Variants in VEPH1 observed in about 807,000 individuals in gnomAD.
VEPH1 encodes the protein ventricular zone-expressed PH domain-containing protein homolog 1.
A neutral mutation model predicts 85.2 loss-of-function variants in VEPH1; 80 were observed. That is an observed-to-expected ratio of 0.94 (90% CI 0.78 to 1.13). The LOEUF (loss-of-function observed/expected upper bound fraction) is 1.13, where lower values mean the gene tolerates loss of function less well. Ranked by LOEUF, VEPH1 falls within the 50% of genes most tolerant of loss-of-function variation. The pLI is 0.00. For synonymous variants in VEPH1, 297 were observed against 348.0 expected (o/e 0.85, Z 1.63); for missense variants, 955 against 980.5 (o/e 0.97, Z 0.35).
At chr3:157,263,978 C>T (rs936941816) in intron 13 of VEPH1, among the ~76,000 whole-genome samples, 8 of 152,174 alleles carry the variant, frequency 5.3e-5, no homozygotes, top group Admixed American at 4.6e-4. Flanking sequence ...GGTACCCAGA[C>T]AGCTGGGAAA....
At chr3:157,501,186 G>A (rs1740067413) in intron 1 of VEPH1, among the ~76,000 whole-genome samples, 2 of 152,082 alleles carry the variant, frequency 1.3e-5, no homozygotes, top group Admixed American at 1.3e-4. Flanking sequence ...TATCTTTGTT[G>A]TCCTTTCTCT....
At chr3:157,339,564 G>A (rs1723303300) in intron 9 of VEPH1, among the ~76,000 whole-genome samples, 1 of 152,030 alleles carries the variant, frequency 6.6e-6, no homozygotes, top group Admixed American at 6.5e-5. Context: ...CATTCACTGG[G>A]GACACCTCAA....
chr3:157,445,756 T>C (rs886872739), intron 4 of VEPH1, among the ~76,000 whole-genome samples: 96 of 152,338 alleles, frequency 6.3e-4, no homozygotes, highest in African/African-American at 2.1e-3. Flanking sequence ...ACCACTGCAC[T>C]GCAGCCTGGC....
rs1310170122 is a variant in VEPH1, at chr3:157,364,475, G to A, written c.1165C>T (p.Leu389=). 6.2e-7 allele frequency: 1 copy of A among 1,613,848 alleles called. No individual in the cohort carries two copies. Among genetic ancestry groups the A allele is most frequent in the Admixed American group, 1.7e-5 (1 of 60,000 alleles). Residue 389 remains leucine (L), a synonymous_variant, in exon 8 of 14, where the codon CTG becomes TTG. Transcript: ENST00000362010. ...ISTEIEFPEK[L]EETKLIVTEN... Reference sequence around the variant, plus strand: ...GTTACTATGAGCTTGGTTTCTTCCAGTTTCTCAGGGAATTCAATTTCAGTG... The same window carrying A: ...GTTACTATGAGCTTGGTTTCTTCCAATTTCTCAGGGAATTCAATTTCAGTG...
chr3:157,399,009 T>C (rs1730628076), intron 6 of VEPH1, among the ~76,000 whole-genome samples: 1 of 152,042 alleles, frequency 6.6e-6, no homozygotes, highest in African/African-American at 2.4e-5. Flanking sequence ...GAGACTTCAG[T>C]GAGTTAAAAA....
intron 9 of VEPH1, among the ~76,000 whole-genome samples, chr3:157,318,686 A>G (rs1577329184): frequency 6.6e-6 from 1 of 151,968 alleles, no homozygotes; most frequent in Non-Finnish European, 1.5e-5. Flanking sequence ...AAGAAAGAAA[A>G]TTAATAGATT....
At chr3:157,406,817 G>T (rs150210053) in intron 6 of VEPH1, among the ~76,000 whole-genome samples, 68 of 152,216 alleles carry the variant, frequency 4.5e-4, no homozygotes, top group African/African-American at 1.5e-3. Flanking sequence ...CTGCCTTGTA[G>T]GTCTGGCACA....
rs1232421296 is a variant in VEPH1, at chr3:157,260,974, A to G, written c.*160T>C. 2.1e-6 allele frequency: 2 copies of G among 942,074 alleles called. No individual in the cohort carries two copies. The highest frequency in any genetic ancestry group is 3.2e-6 in the Non-Finnish European group (2 of 631,524). 58.4% of individuals were successfully genotyped at this position (942,074 alleles called of 1,614,324 possible). On this transcript the variant is annotated 3_prime_UTR_variant, in exon 14 of 14. Coordinates refer to ENST00000362010, the MANE Select transcript of VEPH1 (RefSeq NM_001167912.2). ...AGCTGTTAGAGTATGACATTTACTA[A>G]GAATCCTGCCATTTTAGGCCCTTCT... is the stretch of plus-strand genomic sequence containing the variant.
intron 6 of VEPH1, among the ~76,000 whole-genome samples, chr3:157,395,181 G>A (rs553698084): frequency 6.6e-6 from 1 of 152,316 alleles, no homozygotes; most frequent in South Asian, 2.1e-4. Context: ...AGGCAGTTCT[G>A]CAAGTCCATG....
chr3:157,381,575 C>T lies in VEPH1; in HGVS notation c.907-199G>A, dbSNP rs188430236. ...TCAACTTAAAAATACAAAAACTAGC[C>T]GGGCACAGTGGCACATGCCTGTAAT... is the stretch of plus-strand genomic sequence containing the variant. On this transcript the variant is annotated intron_variant, in intron 6 of 13. Transcript: ENST00000362010. 19 of 572,760 alleles carry T rather than the reference C, an allele frequency of 3.3e-5. No individual in the cohort carries two copies. The Admixed American group carries it at 3.3e-4, about 10-fold the overall frequency. 35.5% of individuals were successfully genotyped at this position (572,760 alleles called of 1,614,324 possible).
At chr3:157,415,813 C>T (rs1364552147) in intron 5 of VEPH1, among the ~76,000 whole-genome samples, 1 of 152,050 alleles carries the variant, frequency 6.6e-6, no homozygotes. Flanking sequence ...ATTTATTCTG[C>T]CTGGAATTCT....
At chr3:157,489,712 CT>C (rs35342499) in intron 2 of VEPH1, among the ~76,000 whole-genome samples, 67,998 of 148,058 alleles carry the variant, frequency 0.46, 16,730 homozygotes, top group African/African-American at 0.67. Flanking sequence ...TGTCAGAGGG[CT>C]TTTTTTTTTT....
At chr3:157,349,113 A>C (rs556595436) in intron 9 of VEPH1, among the ~76,000 whole-genome samples, 22 of 152,392 alleles carry the variant, frequency 1.4e-4, no homozygotes, top group Non-Finnish European at 8.8e-5. Flanking sequence ...ATCCCTGATG[A>C]AGATAGATGG....
intron 2 of VEPH1, among the ~76,000 whole-genome samples, chr3:157,491,120 C>G (rs1364513759): frequency 6.6e-6 from 1 of 152,036 alleles, no homozygotes; most frequent in African/African-American, 2.4e-5. Flanking sequence ...AGCTAAATAC[C>G]ACAAGGAGGA....
chr3:157,280,286 TCATCTATATA>T (rs1269967880), intron 12 of VEPH1, among the ~76,000 whole-genome samples: 1 of 152,132 alleles, frequency 6.6e-6, no homozygotes, highest in African/African-American at 2.4e-5. Context: ...AAGCTTCTCC[TCATCTATATA>T]TTGGCTTGAC....
intron 11 of VEPH1, among the ~76,000 whole-genome samples, chr3:157,288,127 CT>C (rs1043201662): frequency 5.3e-5 from 8 of 152,194 alleles, no homozygotes; most frequent in African/African-American, 1.9e-4. Context: ...ATGTAAATGA[CT>C]TGTATCCTTT....
At chr3:157,346,643 C>T (rs1193591055) in intron 9 of VEPH1, among the ~76,000 whole-genome samples, 1 of 151,956 alleles carries the variant, frequency 6.6e-6, no homozygotes, top group Non-Finnish European at 1.5e-5. Flanking sequence ...GATCTCACTT[C>T]ATTGCCCAGG....
In VEPH1 at chr3:157,265,563, A is replaced by G. The variant is rs1713522751; in HGVS notation, c.2228T>C (p.Leu743Pro). 6.2e-7 allele frequency: 1 copy of G among 1,613,008 alleles called. No homozygotes were observed. Among genetic ancestry groups the G allele is most frequent in the African/African-American group, 1.3e-5 (1 of 75,050 alleles). ...TTGAAACAGAAGTTGATTTCCAGCCAGTGTAAAATAGCGTGTTTTCCACCT... is the reference window on the plus strand; with the variant it reads ...TTGAAACAGAAGTTGATTTCCAGCCGGTGTAAAATAGCGTGTTTTCCACCT... The part of the protein sequence containing the change: ...IKRWKTRYFT[L>P]AGNQLLFQKG... Residue 743 changes from leucine to proline, a missense_variant, in exon 13 of 14, where the codon CTG becomes CCG. Coordinates refer to ENST00000362010, the MANE Select transcript of VEPH1 (RefSeq NM_001167912.2).
At chr3:157,353,635 C>G (rs1725120149) in intron 9 of VEPH1, among the ~76,000 whole-genome samples, 1 of 79,336 alleles carries the variant, frequency 1.3e-5, no homozygotes, top group Admixed American at 1.0e-4. Context: ...TTTCCCCCCT[C>G]CCTCCAAATT....
Sources: gnomAD v4.1 joint callset for allele counts (sites outside exome capture counted in the v4.1 genomes callset) on GRCh38, gnomAD v4.1.1 for gene constraint, MANE v1.5 for transcripts, NCBI Gene and HGNC (gene_info 2026-07-23, HGNC 2026-07-21) for gene names.